Variants in ATRX observed in about 807,000 individuals in gnomAD.
ATRX encodes the protein chromatin remodeler ATRX.
A neutral mutation model predicts 172.6 loss-of-function variants in ATRX; 12 were observed. That is an observed-to-expected ratio of 0.07 (90% CI 0.04 to 0.11). The LOEUF is 0.11. Ranked by LOEUF, ATRX falls within the 10% of genes least tolerant of loss-of-function variation. ATRX has a pLI of 1.00. For synonymous variants in ATRX, 674 were observed against 594.7 expected, an observed-to-expected ratio of 1.13 and a Z score of -1.94; for missense variants, 1,368 against 1,767.4, an observed-to-expected ratio of 0.77 and a Z score of 4.05.
intron 2 of ATRX, among the ~76,000 whole-genome samples, chrX:77,708,449 C>T (rs1489423065): frequency 2.7e-5 from 3 of 111,764 alleles, no homozygotes; most frequent in Admixed American, 9.5e-5. Flanking sequence ...TGACTTGAGG[C>T]CAGGAGTTTG....
intron 2 of ATRX, among the ~76,000 whole-genome samples, chrX:77,713,856 G>A (rs1557163082): frequency 9.0e-6 from 1 of 111,431 alleles, no homozygotes; most frequent in African/African-American, 3.3e-5. Flanking sequence ...CAAATCCCCA[G>A]AAATTATCAA....
chrX:77,606,926 T>C (rs1193163214), intron 22 of ATRX, among the ~76,000 whole-genome samples: 7 of 111,813 alleles, frequency 6.3e-5, no homozygotes, highest in Non-Finnish European at 1.3e-4. Flanking sequence ...CATGTGATAA[T>C]ATTCAACATC....
rs1195310339 is a variant in ATRX, at chrX:77,550,723, T to C, written c.6699+6728A>G. 7.2e-5 allele frequency among the ~76,000 whole-genome samples: 8 copies of C among 111,526 alleles called. No homozygotes were observed. In the East Asian group the frequency reaches 2.3e-3, roughly 32 times the overall value. On this transcript the variant is annotated intron_variant, in intron 30 of 34. Coordinates refer to ENST00000373344, the MANE Select transcript of ATRX (RefSeq NM_000489.6). Reference sequence around the variant, plus strand: ...ACTGTATATCTAGAAAACCCCATTGTCTCAGCCCAAAATCTCCTTAAGCTG... The same window carrying C: ...ACTGTATATCTAGAAAACCCCATTGCCTCAGCCCAAAATCTCCTTAAGCTG...
intron 21 of ATRX, among the ~76,000 whole-genome samples, chrX:77,617,849 A>G (rs1433705332): frequency 1.8e-5 from 2 of 109,435 alleles, no homozygotes; most frequent in Non-Finnish European, 3.8e-5. Flanking sequence ...CCCAAGTGAC[A>G]GAGACTATAG....
chrX:77,721,162 C>T (rs781931895), intron 1 of ATRX, among the ~76,000 whole-genome samples: 34 of 110,984 alleles, frequency 3.1e-4, no homozygotes, highest in Non-Finnish European at 5.1e-4. Context: ...AACTGGGTAC[C>T]GATGAAACGT....
Position 77,520,923 on chromosome X carries a change from G to T in ATRX, c.7072-7C>A, listed in dbSNP as rs782536291. ...GATTCATGTTCTCCTTCCACTAAAA[G>T]AAAAATTTTCTATTTACTCCTTATT... On this transcript the variant is annotated splice_polypyrimidine_tract_variant and splice_region_variant and intron_variant, in intron 33 of 34. Transcript: ENST00000373344. The T allele has an allele frequency of 4.2e-6, 5 of 1,201,803 alleles. No homozygotes were observed. The South Asian group carries it at 8.8e-5, about 21-fold the overall frequency.
At chrX:77,612,803 G>A (rs182024379) in intron 22 of ATRX, among the ~76,000 whole-genome samples, 1 of 111,032 alleles carries the variant, frequency 9.0e-6, no homozygotes, top group African/African-American at 3.3e-5. Context: ...TCTACTCGTA[G>A]AGTTTGGCTA....
At chrX:77,679,453 T>C (rs1569538459) in intron 9 of ATRX, among the ~76,000 whole-genome samples, 1 of 111,901 alleles carries the variant, frequency 8.9e-6, no homozygotes, top group Non-Finnish European at 1.9e-5. Flanking sequence ...TGGAACACAG[T>C]GATCTAGATC....
chrX:77,773,989 G>A (rs781831765), intron 1 of ATRX, among the ~76,000 whole-genome samples: 17 of 110,719 alleles, frequency 1.5e-4, no homozygotes, highest in Non-Finnish European at 2.3e-4. Flanking sequence ...TTGGGAGTCC[G>A]AGGCGGGCAG....
At chrX:77,548,621 G>A (rs926438729) in intron 30 of ATRX, among the ~76,000 whole-genome samples, 2 of 112,195 alleles carry the variant, frequency 1.8e-5, no homozygotes, top group Non-Finnish European at 3.8e-5. Context: ...CAGGTTACCA[G>A]AAAGTTCCTG....
At chrX:77,615,553 TA>T (rs2067321238) in intron 22 of ATRX, among the ~76,000 whole-genome samples, 1 of 111,742 alleles carries the variant, frequency 8.9e-6, no homozygotes, top group Non-Finnish European at 1.9e-5. Flanking sequence ...AATAGTATAG[TA>T]AATCTATCAG....
intron 1 of ATRX, among the ~76,000 whole-genome samples, chrX:77,784,084 G>A (rs2076656407): frequency 8.9e-6 from 1 of 112,241 alleles, no homozygotes; most frequent in Admixed American, 9.5e-5. Context: ...AGACCTGGCA[G>A]CTGAAGGGGG....
At chrX:77,631,201 CAA>C (rs782293888) in intron 19 of ATRX, among the ~76,000 whole-genome samples, 11 of 39,002 alleles carry the variant, frequency 2.8e-4, no homozygotes, top group Non-Finnish European at 3.2e-4. Context: ...ACAATTTGAG[CAA>C]AAAAAAAAAA....
chrX:77,630,294 ATTG>A (rs1377757765), intron 19 of ATRX, among the ~76,000 whole-genome samples: 7 of 112,229 alleles, frequency 6.2e-5, no homozygotes, highest in African/African-American at 2.3e-4. Flanking sequence ...AAGATTTAAT[ATTG>A]TTAAGATGGC....
chrX:77,675,977 T>C, intron 10 of ATRX: 1 of 248,739 alleles, frequency 4.0e-6, no homozygotes, highest in Non-Finnish European at 7.3e-6. Context: ...AACATAAAAT[T>C]GACAGTTCTG....
At chrX:77,763,465 C>CT (rs1312728503) in intron 1 of ATRX, among the ~76,000 whole-genome samples, 3 of 74,342 alleles carry the variant, frequency 4.0e-5, no homozygotes, top group Non-Finnish European at 7.5e-5. Context: ...TTTCTTTTTT[C>CT]TTTTTTTTAA....
In ATRX at chrX:77,575,473, A is replaced by T. The variant is rs1457732810; in HGVS notation, c.6218-1115T>A. 3 of 111,591 alleles carry T rather than the reference A, an allele frequency of 2.7e-5. No homozygotes were observed. In the Admixed American group the frequency reaches 2.9e-4, roughly 11 times the overall value. The allele number at this position is 111,591 out of a possible 1,213,427, so 9.2% of individuals were successfully genotyped here. On this transcript the variant is annotated intron_variant, in intron 27 of 34. Transcript: ENST00000373344. The stretch of plus-strand genomic sequence containing the variant: ...ACATTTGCATTAATTGTTCACTTGA[A>T]CAGGATAATTATTAAAATAAATAAT...
intron 1 of ATRX, among the ~76,000 whole-genome samples, chrX:77,762,208 G>A (rs2075741215): frequency 9.4e-6 from 1 of 106,940 alleles, no homozygotes; most frequent in South Asian, 4.2e-4. Flanking sequence ...GGAGGCTGAG[G>A]CAGGAGAATG....
At chrX:77,751,627 TC>T (rs1240826062) in intron 1 of ATRX, among the ~76,000 whole-genome samples, 5 of 112,205 alleles carry the variant, frequency 4.5e-5, no homozygotes, top group African/African-American at 1.6e-4. Flanking sequence ...TAGGTTTTCT[TC>T]TAGGGTTTTT....
Sources: gnomAD v4.1 joint callset for allele counts (sites outside exome capture counted in the v4.1 genomes callset) on GRCh38, gnomAD v4.1.1 for gene constraint, MANE v1.5 for transcripts, NCBI Gene and HGNC (gene_info 2026-07-23, HGNC 2026-07-21) for gene names.